The following SLC24A3 variants were observed in gnomAD, a reference collection of about 807,000 sequenced individuals.
SLC24A3 encodes the protein solute carrier family 24 member 3, also known as sodium/potassium/calcium exchanger 3.
Under a neutral mutation model 75.8 loss-of-function variants are expected in SLC24A3, and 28 were observed. The ratio of observed to expected loss-of-function variants is 0.37; its 90% CI spans 0.27 to 0.51. The LOEUF (loss-of-function observed/expected upper bound fraction) is 0.51, where lower values mean the gene tolerates loss of function less well. SLC24A3 is among the 20% of genes least tolerant of loss of function. The pLI, the probability that SLC24A3 is intolerant of heterozygous loss-of-function variation, is 0.94. For missense variants in SLC24A3, 663 were observed against 847.8 expected (o/e 0.78, Z 2.71); for synonymous variants, 372 against 334.1 (o/e 1.11, Z -1.24).
chr20:19,584,307 G>A (rs576902190), intron 4 of SLC24A3, among the ~76,000 whole-genome samples: 7 of 152,096 alleles, frequency 4.6e-5, no homozygotes, highest in African/African-American at 7.2e-5. Context: ...CTCTGATCCC[G>A]GGGTTTCCAG....
At chr20:19,330,343 G>A (rs1357554596) in intron 2 of SLC24A3, among the ~76,000 whole-genome samples, 2 of 152,206 alleles carry the variant, frequency 1.3e-5, no homozygotes, top group African/African-American at 4.8e-5. Flanking sequence ...GCCCCCAGCT[G>A]TCCAGGGCCC....
chr20:19,364,482 G>T (rs1568600282), intron 2 of SLC24A3, among the ~76,000 whole-genome samples: 1 of 151,210 alleles, frequency 6.6e-6, no homozygotes, highest in South Asian at 2.1e-4. Flanking sequence ...TTGAGATAGG[G>T]TGTCACTCTG....
chr20:19,585,912 T>C (rs111940027), intron 6 of SLC24A3, among the ~76,000 whole-genome samples: 11 of 152,334 alleles, frequency 7.2e-5, no homozygotes, highest in African/African-American at 2.6e-4. Flanking sequence ...GGAAATAGAA[T>C]ACATGAGAAT....
At chr20:19,487,549 A>G (rs1025285427) in intron 2 of SLC24A3, among the ~76,000 whole-genome samples, 2 of 152,184 alleles carry the variant, frequency 1.3e-5, no homozygotes, top group African/African-American at 4.8e-5. Context: ...GACAAATGAC[A>G]CATCTGTGGT....
intron 2 of SLC24A3, among the ~76,000 whole-genome samples, chr20:19,510,690 T>C (rs115089725): frequency 0.018 from 2,811 of 152,308 alleles, 78 homozygotes; most frequent in African/African-American, 0.064. Context: ...CATACTCTGA[T>C]ATGTAGATAC....
intron 2 of SLC24A3, among the ~76,000 whole-genome samples, chr20:19,338,377 A>G (rs1441643438): frequency 6.6e-6 from 1 of 152,042 alleles, no homozygotes; most frequent in Non-Finnish European, 1.5e-5. Context: ...TGACATTCTC[A>G]CAAGTTCCAC....
intron 3 of SLC24A3, among the ~76,000 whole-genome samples, chr20:19,571,182 G>C (rs1421417085): frequency 1.3e-5 from 2 of 152,118 alleles, no homozygotes; most frequent in Non-Finnish European, 2.9e-5. Flanking sequence ...CTGTGAGGCT[G>C]GATGAGGTCC....
intron 3 of SLC24A3, among the ~76,000 whole-genome samples, chr20:19,547,580 G>T (rs540575976): frequency 6.6e-6 from 1 of 152,176 alleles, no homozygotes; most frequent in African/African-American, 2.4e-5. Flanking sequence ...AAATGAAGCC[G>T]GATCTCACAG....
intron 6 of SLC24A3, among the ~76,000 whole-genome samples, chr20:19,620,369 T>C (rs1365991264): frequency 6.6e-6 from 1 of 152,200 alleles, no homozygotes; most frequent in Non-Finnish European, 1.5e-5. Context: ...TTCAAGCATC[T>C]CAAATTCAAG....
At chr20:19,693,012 C>T (rs1600343877) in intron 12 of SLC24A3, among the ~76,000 whole-genome samples, 1 of 152,200 alleles carries the variant, frequency 6.6e-6, no homozygotes, top group African/African-American at 2.4e-5. Flanking sequence ...AGTGATTCAC[C>T]CTCTCATTTC....
intron 2 of SLC24A3, among the ~76,000 whole-genome samples, chr20:19,480,583 T>A (rs985349354): frequency 1.3e-5 from 2 of 152,178 alleles, no homozygotes; most frequent in African/African-American, 2.4e-5. Context: ...CTAGACTTGG[T>A]TCCATGCCCT....
intron 2 of SLC24A3, among the ~76,000 whole-genome samples, chr20:19,346,392 A>ATG (rs1220915751): frequency 4.9e-5 from 7 of 142,686 alleles, no homozygotes; most frequent in East Asian, 4.1e-4. Flanking sequence ...TGGTATATAT[A>ATG]TGGTGTATAT....
At chr20:19,388,095 C>G (rs183508174) in intron 2 of SLC24A3, among the ~76,000 whole-genome samples, 96 of 152,088 alleles carry the variant, frequency 6.3e-4, no homozygotes, top group Non-Finnish European at 1.2e-3. Flanking sequence ...TTGTATTACT[C>G]TTAATCTAAT....
chr20:19,537,069 T>C lies in SLC24A3; in HGVS notation c.348+21505T>C, dbSNP rs1345865980. ...AGAGCTTCTGCACAGCAAAAGAAAC[T>C]GCCATCAGAGTGAACAGGCAACCTA... On this transcript the variant is annotated intron_variant, in intron 3 of 16. Coordinates refer to ENST00000328041, the MANE Select transcript of SLC24A3 (RefSeq NM_020689.4). Among the ~76,000 whole-genome samples the C allele has an allele frequency of 2.0e-5, 3 of 152,212 alleles. No individual in the cohort carries two copies. The East Asian group carries it at 5.8e-4, about 29-fold the overall frequency.
At chr20:19,551,271 T>TG (rs2030688777) in intron 3 of SLC24A3, among the ~76,000 whole-genome samples, 1 of 152,162 alleles carries the variant, frequency 6.6e-6, no homozygotes, top group Non-Finnish European at 1.5e-5. Context: ...AAGATGAGAA[T>TG]GGAATGCATG....
chr20:19,338,295 G>A (rs1217874991), intron 2 of SLC24A3, among the ~76,000 whole-genome samples: 2 of 152,156 alleles, frequency 1.3e-5, no homozygotes, highest in Admixed American at 6.5e-5. Flanking sequence ...GCCTCCCAGG[G>A]TTTGTCTCTT....
intron 6 of SLC24A3, among the ~76,000 whole-genome samples, chr20:19,591,492 A>C (rs531251190): frequency 3.2e-5 from 3 of 94,178 alleles, no homozygotes; most frequent in African/African-American, 9.0e-5. Flanking sequence ...TCCTCATACT[A>C]GTTTTTTTTT....
chr20:19,266,266 A>G (rs1983163693), intron 1 of SLC24A3, among the ~76,000 whole-genome samples: 1 of 152,246 alleles, frequency 6.6e-6, no homozygotes, highest in African/African-American at 2.4e-5. Flanking sequence ...TTACTCTGTG[A>G]GCAGATGAAA....
chr20:19,389,400 T>G (rs1316534836), intron 2 of SLC24A3, among the ~76,000 whole-genome samples: 3 of 152,158 alleles, frequency 2.0e-5, no homozygotes, highest in Non-Finnish European at 4.4e-5. Context: ...ATAATACAAA[T>G]CTAGTGATGA....
Sources: gnomAD v4.1 joint callset for allele counts (sites outside exome capture counted in the v4.1 genomes callset) on GRCh38, gnomAD v4.1.1 for gene constraint, MANE v1.5 for transcripts, NCBI Gene and HGNC (gene_info 2026-07-23, HGNC 2026-07-21) for gene names.